Variants in CRYM observed in about 807,000 individuals in gnomAD.
The protein encoded by CRYM is crystallin mu.
In CRYM, 18 loss-of-function variants were observed where a neutral mutation model predicts 32.9. The observed-to-expected ratio is 0.55, with a 90% CI of 0.38 to 0.81. CRYM has a LOEUF of 0.81. CRYM is among the 30% of genes least tolerant of loss of function. CRYM has a pLI of 0.00. For synonymous variants in CRYM, 153 were observed against 152.4 expected, an observed-to-expected ratio of 1.00 and a Z score of -0.03; for missense variants, 337 against 393.5, an observed-to-expected ratio of 0.86 and a Z score of 1.21.
intron 5 of CRYM, among the ~76,000 whole-genome samples, chr16:21,266,222 TCAAACAAACAAA>T (rs372122674): frequency 3.3e-5 from 5 of 151,964 alleles, no homozygotes; most frequent in East Asian, 3.9e-4. Context: ...AGACTCCATC[TCAAACAAACAAA>T]CAAACAAACA....
upstream of CRYM, among the ~76,000 whole-genome samples, chr16:21,280,222 A>T (rs568881040): frequency 3.0e-4 from 45 of 152,216 alleles, no homozygotes; most frequent in Non-Finnish European, 3.7e-4. Flanking sequence ...TCTACTAAAA[A>T]TACAAAAATT....
chr16:21,302,576 A>G (rs894597634), intron 1 of CRYM, among the ~76,000 whole-genome samples: 1 of 152,232 alleles, frequency 6.6e-6, no homozygotes, highest in African/African-American at 2.4e-5. Context: ...TTTAAGCTCT[A>G]GGATGAGAGT....
rs1301292360 is a variant in CRYM, at chr16:21,277,553, C to G, written c.202G>C (p.Ala68Pro). The stretch of plus-strand genomic sequence containing the variant: ...AACTTGGTGGTCAGTGCATCCTCTG[C>G]AGCACTGTAGGCGGGCATGACCCCC... ...YLGVMPAYSA[A>P]EDALTTKLVT... The change falls in exon 2 of 8, where the codon GCA becomes CCA. Residue 68 changes from alanine to proline, a missense_variant. By Grantham distance (27) the Ala-to-Pro change is conservative. Transcript: ENST00000572914. This position sits in a 1 kb window ranked among gnomAD's most constrained non-coding sequence, Gnocchi z 4.2. 1 of 1,613,988 alleles carries G rather than the reference C, an allele frequency of 6.2e-7. No homozygotes were observed. Among genetic ancestry groups the G allele is most frequent in the East Asian group, 2.2e-5 (1 of 44,884 alleles).
At chr16:21,263,711 G>A (rs2093358784) in intron 5 of CRYM, among the ~76,000 whole-genome samples, 1 of 152,246 alleles carries the variant, frequency 6.6e-6, no homozygotes, top group African/African-American at 2.4e-5. Context: ...CTGGCACCAG[G>A]ACACAGGAGA....
chr16:21,263,362 C>T (rs2093358089), intron 5 of CRYM, among the ~76,000 whole-genome samples: 1 of 152,094 alleles, frequency 6.6e-6, no homozygotes, highest in Admixed American at 6.5e-5. Flanking sequence ...GACTGCGCCA[C>T]TGTGCTCCAA....
chr16:21,272,502 T>C (rs1460313719), intron 3 of CRYM, among the ~76,000 whole-genome samples: 2 of 152,108 alleles, frequency 1.3e-5, no homozygotes, highest in African/African-American at 4.8e-5. Flanking sequence ...GGCTGCTTTG[T>C]CCCCTCTCCC....
chr16:21,259,180 ACT>A (rs2093349905), intron 7 of CRYM, among the ~76,000 whole-genome samples: 1 of 151,490 alleles, frequency 6.6e-6, no homozygotes, highest in Non-Finnish European at 1.5e-5. Context: ...CTCACTGCAA[ACT>A]CTGCCTCCCA....
chr16:21,279,368 T>A (rs1179973286), upstream of CRYM, among the ~76,000 whole-genome samples: 1 of 152,206 alleles, frequency 6.6e-6, no homozygotes, highest in African/African-American at 2.4e-5. Flanking sequence ...ATGGTTGGAC[T>A]TCAGAATTAT....
intron 6 of CRYM, 76 bp from the exon 7 acceptor site, chr16:21,261,414 G>A: frequency 3.2e-6 from 3 of 932,274 alleles, no homozygotes; most frequent in Non-Finnish European, 5.3e-6. Context: ...CCAGCCCAGG[G>A]AATTCCTGAA....
At chr16:21,278,012 T>C (rs1404802932) in intron 1 of CRYM, 70 bp downstream of exon 1, 4 of 1,432,194 alleles carry the variant, frequency 2.8e-6, no homozygotes, top group Admixed American at 4.0e-5. Flanking sequence ...CTCCCACCCC[T>C]CCTCTTCCTG....
intron 3 of CRYM, among the ~76,000 whole-genome samples, chr16:21,274,345 T>G (rs1412138630): frequency 6.6e-6 from 1 of 152,220 alleles, no homozygotes; most frequent in African/African-American, 2.4e-5. Context: ...TGCTTTCAGC[T>G]TTGACTCAAA....
chr16:21,281,745 C>T (rs1017247192), upstream of CRYM, among the ~76,000 whole-genome samples: 3 of 152,184 alleles, frequency 2.0e-5, no homozygotes, highest in Non-Finnish European at 2.9e-5. Context: ...GACCTTTTGA[C>T]GTATCAGGCT....
At position 21,277,378 on chromosome 16, in the gene CRYM, CTTCAATCTGGGCCCAGGGGCCCCA is replaced by C; in HGVS notation, c.324+29_324+52del. On this transcript the variant is annotated intron_variant, in intron 2 of 7. Transcript: ENST00000572914. This position sits in a 1 kb window ranked among gnomAD's most constrained non-coding sequence, Gnocchi z 4.2. Reference sequence around the variant, plus strand: ...CTGCTGCGGAGAACTTACTTTTGAGCTTCAATCTGGGCCCAGGGGCCCCATTCCACCCCGGGACAGGAAGTTGCT... The same window carrying C: ...CTGCTGCGGAGAACTTACTTTTGAGCTTCCACCCCGGGACAGGAAGTTGCT... 6.2e-7 allele frequency: 1 copy of C among 1,602,234 alleles called. No homozygotes were observed. Among genetic ancestry groups the C allele is most frequent in the Admixed American group, 1.7e-5 (1 of 59,904 alleles).
chr16:21,279,894 TGA>T (rs1567236666), upstream of CRYM, among the ~76,000 whole-genome samples: 1 of 151,992 alleles, frequency 6.6e-6, no homozygotes, highest in Non-Finnish European at 1.5e-5. Context: ...AAGTGAACAC[TGA>T]GAGAGAAAGA....
At chr16:21,267,506 A>C (rs556799167) in intron 5 of CRYM, 48 bp downstream of exon 5, 2 of 1,594,454 alleles carry the variant, frequency 1.3e-6, no homozygotes, top group South Asian at 2.2e-5. Flanking sequence ...CCGTCTAGAG[A>C]GGAGCCTGGC....
At chr16:21,273,145 C>G (rs140139839) in intron 3 of CRYM, among the ~76,000 whole-genome samples, 2 of 152,240 alleles carry the variant, frequency 1.3e-5, no homozygotes, top group East Asian at 3.9e-4. Context: ...TATATACTAT[C>G]ACCTTGAGAA....
intron 1 of CRYM, among the ~76,000 whole-genome samples, chr16:21,293,562 A>T (rs1960717339): frequency 2.0e-5 from 3 of 152,210 alleles, no homozygotes; most frequent in African/African-American, 7.2e-5. Flanking sequence ...TATAAATGTT[A>T]ATCTTGAGAG....
At chr16:21,284,786 C>A (rs117288758) in intron 1 of CRYM, among the ~76,000 whole-genome samples, 1 of 152,140 alleles carries the variant, frequency 6.6e-6, no homozygotes, top group Non-Finnish European at 1.5e-5. Context: ...TTTTCCTTTG[C>A]GTATATACCT....
rs2075524 is a variant in CRYM, at chr16:21,268,017, C to T, written c.490-280G>A. 0.028 allele frequency among the ~76,000 whole-genome samples: 4,189 copies of T among 152,308 alleles called. 324 individuals are homozygous for T. The East Asian group carries it at 0.33, about 12-fold the overall frequency. ...ACTTCTAGGCCAAGAGGCACAGCCT[C>T]AGTAACTTCATAGCTATTATATATT... On this transcript the variant is annotated intron_variant, in intron 4 of 7. Coordinates refer to ENST00000572914, the MANE Select transcript of CRYM (RefSeq NM_001376256.1).
Sources: gnomAD v4.1 joint callset for allele counts (sites outside exome capture counted in the v4.1 genomes callset) on GRCh38, gnomAD v4.1.1 for gene constraint, Gnocchi (gnomAD v3.1) non-coding constraint, MANE v1.5 for transcripts, NCBI Gene and HGNC (gene_info 2026-07-23, HGNC 2026-07-21) for gene names.